TIPARP: variants seen among roughly 807,000 people sequenced by gnomAD.
TIPARP encodes the protein TCDD inducible poly(ADP-ribose) polymerase.
A neutral mutation model predicts 56.5 loss-of-function variants in TIPARP; 12 were observed. The observed-to-expected ratio is 0.21, with a 90% CI of 0.14 to 0.34. TIPARP has a LOEUF of 0.34. TIPARP is among the 10% of genes least tolerant of loss of function. The probability of loss-of-function intolerance (pLI) is 1.00; values close to 1 mark genes in which losing one functional copy is unlikely to be tolerated. For missense variants in TIPARP, 604 were observed against 781.6 expected (o/e 0.77, Z 2.71); for synonymous variants, 296 against 265.7 (o/e 1.11, Z -1.11).
chr3:156,704,550 A>G, intron 5 of TIPARP, 134 bp from the exon 6 acceptor site: 3 of 861,196 alleles, frequency 3.5e-6, no homozygotes, highest in Non-Finnish European at 5.4e-6. Context: ...TCAACTTTTA[A>G]TAGGATCTTT....
At chr3:156,702,145 A>G (rs1722864381) in intron 4 of TIPARP, among the ~76,000 whole-genome samples, 1 of 151,338 alleles carries the variant, frequency 6.6e-6, no homozygotes, top group Non-Finnish European at 1.5e-5. Flanking sequence ...CCTGTCGATC[A>G]CTTTCTAGCC....
chr3:156,680,515 A>C (rs1476150149), intron 2 of TIPARP, among the ~76,000 whole-genome samples: 1 of 152,174 alleles, frequency 6.6e-6, no homozygotes, highest in Non-Finnish European at 1.5e-5. Flanking sequence ...CTTCACCTTC[A>C]TGAAGCAAAT....
At chr3:156,699,523 G>T (rs1328536592) in intron 4 of TIPARP, among the ~76,000 whole-genome samples, 4 of 152,094 alleles carry the variant, frequency 2.6e-5, no homozygotes, top group Admixed American at 6.6e-5. Flanking sequence ...TTAAATTAAG[G>T]TATAAATATT....
intron 5 of TIPARP, 129 bp from the exon 6 acceptor site, chr3:156,704,555 A>C (rs1003738700): frequency 1.1e-6 from 1 of 897,980 alleles, no homozygotes; most frequent in Non-Finnish European, 1.7e-6. Flanking sequence ...TTTTAATAGG[A>C]TCTTTGATGG....
Position 156,704,886 on chromosome 3 carries a change from A to C in TIPARP, c.1729A>C (p.Lys577Gln). The change falls in exon 6 of 6, where the codon AAG becomes CAG. Residue 577 changes from lysine to glutamine, a missense_variant. Transcript: ENST00000295924. ...GGCAAGCTACTCTCATAACTTTTCT[A>C]AGAAGTCCTCCAAAGGAGTCCACTT... ...KKASYSHNFS[K>Q]KSSKGVHFMF... The C allele has an allele frequency of 6.2e-7, 1 of 1,614,212 alleles. No homozygotes were observed. The highest frequency in any genetic ancestry group is 8.5e-7 in the Non-Finnish European group (1 of 1,180,042).
intron 2 of TIPARP, among the ~76,000 whole-genome samples, chr3:156,683,737 G>C (rs1375552932): frequency 6.6e-6 from 1 of 152,120 alleles, no homozygotes; most frequent in Admixed American, 6.5e-5. Flanking sequence ...TTCTAATCAT[G>C]GTCAGTGATC....
intron 2 of TIPARP, among the ~76,000 whole-genome samples, chr3:156,680,494 A>T (rs550512648): frequency 6.6e-6 from 1 of 152,286 alleles, no homozygotes; most frequent in Non-Finnish European, 1.5e-5. Flanking sequence ...TTTGCAGAAC[A>T]GCGGCTCCCA....
At position 156,692,616 on chromosome 3, in the gene TIPARP, T is replaced by C. The variant is rs1162642807; in HGVS notation, c.918-1404T>C. 2.6e-5 allele frequency among the ~76,000 whole-genome samples: 4 copies of C among 152,174 alleles called. No individual in the cohort carries two copies. The East Asian group carries it at 7.7e-4, about 29-fold the overall frequency. ...ATTTTAAAGGAGTATACTGCTTTTTTGTAAGTTCCATACTTTTTGGCTTCA... is the reference window on the plus strand; with the variant it reads ...ATTTTAAAGGAGTATACTGCTTTTTCGTAAGTTCCATACTTTTTGGCTTCA... On this transcript the variant is annotated intron_variant, in intron 2 of 5. Coordinates refer to ENST00000295924, the MANE Select transcript of TIPARP (RefSeq NM_015508.5).
intron 2 of TIPARP, chr3:156,681,148 G>A (rs774441130): frequency 2.2e-6 from 1 of 456,614 alleles, no homozygotes; most frequent in Non-Finnish European, 4.4e-6. Context: ...ACGGCATGTT[G>A]AGCCTTGCTG....
At chr3:156,699,465 C>T (rs1722793936) in intron 4 of TIPARP, among the ~76,000 whole-genome samples, 1 of 152,208 alleles carries the variant, frequency 6.6e-6, no homozygotes, top group South Asian at 2.1e-4. Flanking sequence ...TACTATGACT[C>T]ACCAAAGGCT....
rs114121692 is a variant in TIPARP, at chr3:156,690,022, G to A, written c.918-3998G>A. 3.4e-3 allele frequency among the ~76,000 whole-genome samples: 515 copies of A among 151,992 alleles called. 3 individuals are homozygous for A. The highest frequency in any genetic ancestry group is 0.012 in the African/African-American group (490 of 41,428). ...ATTTTGCCTTTTTCATTTTCTTATG[G>A]CCAAAGCAGAGCCCAGTACCAAATT... On this transcript the variant is annotated intron_variant, in intron 2 of 5. Coordinates refer to ENST00000295924, the MANE Select transcript of TIPARP (RefSeq NM_015508.5).
intron 2 of TIPARP, among the ~76,000 whole-genome samples, chr3:156,678,976 T>G (rs960911232): frequency 2.0e-5 from 3 of 152,198 alleles, no homozygotes; most frequent in African/African-American, 2.4e-5. Flanking sequence ...ATCTCCTAAT[T>G]TATCTAATTT....
At chr3:156,702,038 GGTGGT>G (rs1722856814) in intron 4 of TIPARP, among the ~76,000 whole-genome samples, 1 of 142,820 alleles carries the variant, frequency 7.0e-6, no homozygotes, top group Non-Finnish European at 1.5e-5. Context: ...TGGTGGTGGT[GGTGGT>G]GGTGGTGGTG....
rs200349044 is a variant in TIPARP at position 156,677,821 on chromosome 3, A to G, written c.124A>G (p.Lys42Glu). 1 of 1,614,168 alleles carries G rather than the reference A, an allele frequency of 6.2e-7. No homozygotes were observed. Among genetic ancestry groups the G allele is most frequent in the Non-Finnish European group, 8.5e-7 (1 of 1,180,034 alleles). ...KITPLKTCFK[K>E]KDQKRLGTGT... ...CACTCCATTGAAGACTTGTTTTAAG[A>G]AAAAGGATCAGAAAAGATTGGGAAC... Residue 42 changes from lysine to glutamate, a missense_variant, in exon 2 of 6, where the codon AAA (lysine) becomes GAA (glutamate). Physicochemically the swap from Lys to Glu is moderately conservative, Grantham distance 56. This residue lies in a region of TIPARP where 261 missense variants were observed against 279.2 expected (regional missense o/e 0.93). Coordinates refer to ENST00000295924, the MANE Select transcript of TIPARP (RefSeq NM_015508.5).
At chr3:156,701,858 A>G (rs1722851192) in intron 4 of TIPARP, among the ~76,000 whole-genome samples, 1 of 152,112 alleles carries the variant, frequency 6.6e-6, no homozygotes, top group Non-Finnish European at 1.5e-5. Flanking sequence ...CCCTGGATCC[A>G]CCCATCCATC....
rs1722968043 is a variant in TIPARP, at chr3:156,705,882, A to G, written c.*751A>G. ...TTTGGAAAACTCAGTCTCTTTCATT[A>G]TCATCCATTCCAATTTGAAGGAGTT... On this transcript the variant is annotated 3_prime_UTR_variant, in exon 6 of 6. Transcript: ENST00000295924. 1 of 152,650 alleles carries G rather than the reference A, an allele frequency of 6.6e-6. No individual in the cohort carries two copies. The highest frequency in any genetic ancestry group is 1.5e-5 in the Non-Finnish European group (1 of 68,038). 9.5% of individuals were successfully genotyped at this position (152,650 alleles called of 1,614,324 possible).
At chr3:156,703,953 C>G (rs995462416) in intron 5 of TIPARP, among the ~76,000 whole-genome samples, 8 of 143,972 alleles carry the variant, frequency 5.6e-5, no homozygotes, top group Non-Finnish European at 8.9e-5. Context: ...GCGGAGCTTG[C>G]AGTGAGCCGA....
chr3:156,697,964 T>G (rs766799375), intron 4 of TIPARP, among the ~76,000 whole-genome samples: 5 of 152,180 alleles, frequency 3.3e-5, no homozygotes, highest in Non-Finnish European at 5.9e-5. Context: ...GAAAAGTTCT[T>G]GAAGGAAATT....
At chr3:156,680,917 G>A (rs780342065) in intron 2 of TIPARP, among the ~76,000 whole-genome samples, 9 of 152,136 alleles carry the variant, frequency 5.9e-5, no homozygotes. Context: ...CATTGTTAGT[G>A]GTAATAAGTG....
Sources: gnomAD v4.1 joint callset for allele counts (sites outside exome capture counted in the v4.1 genomes callset) on GRCh38, gnomAD v4.1.1 for gene constraint, gnomAD v4.1.1 regional missense constraint, MANE v1.5 for transcripts, NCBI Gene and HGNC (gene_info 2026-07-23, HGNC 2026-07-21) for gene names.